The following LRRC4B variants were observed in gnomAD, a reference collection of about 807,000 sequenced individuals.
LRRC4B encodes the protein leucine rich repeat containing 4B, also known as leucine-rich repeat-containing protein 4B.
Under a neutral mutation model 7.3 loss-of-function variants are expected in LRRC4B, and 1 was observed. The ratio of observed to expected loss-of-function variants is 0.14; its 90% CI spans 0.05 to 0.65. The LOEUF is 0.65. Ranked by LOEUF, LRRC4B falls within the 30% of genes least tolerant of loss-of-function variation. The pLI, the probability that LRRC4B is intolerant of heterozygous loss-of-function variation, is 0.84. For synonymous variants in LRRC4B, 500 were observed against 499.2 expected, an observed-to-expected ratio of 1.00 and a Z score of -0.02; for missense variants, 730 against 1,041.6, an observed-to-expected ratio of 0.70 and a Z score of 4.12.
intron 1 of LRRC4B, among the ~76,000 whole-genome samples, chr19:50,559,603 G>A (rs1412966028): frequency 1.3e-5 from 2 of 152,216 alleles, no homozygotes; most frequent in Admixed American, 6.5e-5. Flanking sequence ...TCAGGCAGTG[G>A]GGCGTGAGAG....
rs1027313047 is a variant in LRRC4B at position 50,563,685 on chromosome 19, G to A, written c.-36+4259C>T. 3.4e-4 allele frequency among the ~76,000 whole-genome samples: 51 copies of A among 152,226 alleles called. No individual in the cohort carries two copies. Among genetic ancestry groups the A allele is most frequent in the African/African-American group, 1.1e-3 (47 of 41,462 alleles). On this transcript the variant is annotated intron_variant, in intron 1 of 2. Transcript: ENST00000652263. The surrounding 1 kb of genome is among the most constrained non-coding windows in gnomAD (Gnocchi z 4.9). Reference sequence around the variant, plus strand: ...GATGCCACATGCTGGGGACAAGAGTGTGGGGTCTGTGGCCCACCCCAGCCA... The same window carrying A: ...GATGCCACATGCTGGGGACAAGAGTATGGGGTCTGTGGCCCACCCCAGCCA...
chr19:50,559,514 T>C (rs1208193947), intron 1 of LRRC4B, among the ~76,000 whole-genome samples: 2 of 152,242 alleles, frequency 1.3e-5, no homozygotes, highest in Non-Finnish European at 2.9e-5. Context: ...TTAACACCCC[T>C]GAACTGAATT....
Position 50,518,577 on chromosome 19 carries a change from A to G in LRRC4B, c.1136T>C (p.Met379Thr), listed in dbSNP as rs1980410457. The G allele has an allele frequency of 1.3e-6, 2 of 1,593,974 alleles. No homozygotes were observed. The highest frequency in any genetic ancestry group is 1.1e-5 in the South Asian group (1 of 88,300). The change falls in exon 3 of 3, where the codon ATG becomes ACG. Residue 379 changes from methionine (M) to threonine (T), a missense_variant. Met to Thr is a moderately conservative substitution (Grantham distance 81). This residue lies in a region of LRRC4B where 226 missense variants were observed against 448.0 expected (regional missense o/e 0.50). Coordinates refer to ENST00000652263, the MANE Select transcript of LRRC4B (RefSeq NM_001080457.2). Reference sequence around the variant, plus strand: ...CGTGCGGCATTTGAGCTCGGCAGCCATGCCCTCGGTGACGTTGAGGTCCGT... The same window carrying G: ...CGTGCGGCATTTGAGCTCGGCAGCCGTGCCCTCGGTGACGTTGAGGTCCGT... ...PPTDLNVTEG[M>T]AAELKCRTGT...
Position 50,518,980 on chromosome 19 carries a change from G to A in LRRC4B, c.733C>T (p.Arg245Cys), listed in dbSNP as rs774640697. Reference sequence around the variant, plus strand: ...GTGAGACCCTGGAAGGAGCCCGGGCGGATCAGGTCCAGCCGGTTGCCCGAC... The same window carrying A: ...GTGAGACCCTGGAAGGAGCCCGGGCAGATCAGGTCCAGCCGGTTGCCCGAC... ...ELSGNRLDLIRPGSFQGLTSL... is the reference protein window; with the variant it reads ...ELSGNRLDLICPGSFQGLTSL... The change falls in exon 3 of 3, where the codon CGC becomes TGC. Residue 245 changes from arginine to cysteine, a missense_variant. Physicochemically the swap from Arg to Cys is radical, Grantham distance 180. This residue lies in a region of LRRC4B where 226 missense variants were observed against 448.0 expected (regional missense o/e 0.50). Coordinates refer to ENST00000652263, the MANE Select transcript of LRRC4B (RefSeq NM_001080457.2). The A allele has an allele frequency of 6.2e-7, 1 of 1,613,228 alleles. No homozygotes were observed. The highest frequency in any genetic ancestry group is 1.1e-5 in the South Asian group (1 of 91,048).
In LRRC4B at chr19:50,518,462, A is replaced by G. The variant is rs1601367370; in HGVS notation, c.1251T>C (p.His417=). ...GSYRVRISVL[H]DGTLNFTNVT... ...CGTTGGTGAAGTTAAGCGTGCCGTCATGCAGGACGGAGATGCGCACGCGGT... is the reference window on the plus strand; with the variant it reads ...CGTTGGTGAAGTTAAGCGTGCCGTCGTGCAGGACGGAGATGCGCACGCGGT... Residue 417 remains histidine (H), a synonymous_variant, in exon 3 of 3, where the codon CAT becomes CAC. Coordinates refer to ENST00000652263, the MANE Select transcript of LRRC4B (RefSeq NM_001080457.2). 1 of 1,553,600 alleles carries G rather than the reference A, an allele frequency of 6.4e-7. No homozygotes were observed. The highest frequency in any genetic ancestry group is 8.7e-7 in the Non-Finnish European group (1 of 1,149,788).
At chr19:50,544,228 C>T (rs1207677737) in intron 2 of LRRC4B, among the ~76,000 whole-genome samples, 10 of 148,304 alleles carry the variant, frequency 6.7e-5, no homozygotes, top group Admixed American at 1.3e-4. Flanking sequence ...AAAAATAGGC[C>T]GGGCGCAGTG....
Position 50,548,792 on chromosome 19 carries a change from C to T in LRRC4B, c.47G>A (p.Arg16Lys). 6.6e-7 allele frequency: 1 copy of T among 1,521,282 alleles called. No individual in the cohort carries two copies. The highest frequency in any genetic ancestry group is 8.8e-7 in the Non-Finnish European group (1 of 1,138,904). The allele number at this position is 1,521,282 out of a possible 1,614,324, so 94.2% of individuals were successfully genotyped here. ...GSPCPPLPPGRMSWPHGALLF... is the reference protein window; with the variant it reads ...GSPCPPLPPGKMSWPHGALLF... ...CAATGCCCCGTGGGGCCAGGACATC[C>T]TACCGGGCGGCAGCGGGGGGCACGG... Residue 16 changes from arginine to lysine, a missense_variant, in exon 2 of 3, where the codon AGG becomes AAG. Physicochemically the swap from Arg to Lys is conservative, Grantham distance 26 (BLOSUM62 2). This residue lies in a region of LRRC4B where 143 missense variants were observed against 158.4 expected (regional missense o/e 0.90). Transcript: ENST00000652263. This position sits in a 1 kb window ranked among gnomAD's most constrained non-coding sequence, Gnocchi z 6.8.
chr19:50,519,490 G>A lies in LRRC4B; in HGVS notation c.298-75C>T, dbSNP rs1260564116. ...TGGGGGGATCACCAAGGTCCCGGGCGCAGGTGGGGCCGTGTGGCTGGATCT... is the reference window on the plus strand; with the variant it reads ...TGGGGGGATCACCAAGGTCCCGGGCACAGGTGGGGCCGTGTGGCTGGATCT... On this transcript the variant is annotated intron_variant, in intron 2 of 2. Transcript: ENST00000652263. This position sits in a 1 kb window ranked among gnomAD's most constrained non-coding sequence, Gnocchi z 8.1. 30 of 1,459,082 alleles carry A rather than the reference G, an allele frequency of 2.1e-5. No individual in the cohort carries two copies. In the East Asian group the frequency reaches 5.2e-4, roughly 25 times the overall value. 90.4% of individuals were successfully genotyped at this position (1,459,082 alleles called of 1,614,324 possible).
At chr19:50,532,026 C>T (rs1275543872) in intron 2 of LRRC4B, among the ~76,000 whole-genome samples, 1 of 152,124 alleles carries the variant, frequency 6.6e-6, no homozygotes, top group African/African-American at 2.4e-5. Context: ...AGTTCGAGAC[C>T]AGCCTGTCCA....
intron 1 of LRRC4B, among the ~76,000 whole-genome samples, chr19:50,552,683 T>TCCATCCATCCATCCACCCAC (rs377729910): frequency 4.1e-5 from 5 of 121,354 alleles, no homozygotes; most frequent in Non-Finnish European, 3.4e-5. Flanking sequence ...CATCCATCCA[T>TCCATCCATCCATCCACCCAC]CCATCCGTCC....
At chr19:50,522,479 T>C (rs1980625705) in intron 2 of LRRC4B, among the ~76,000 whole-genome samples, 1 of 151,520 alleles carries the variant, frequency 6.6e-6, no homozygotes, top group East Asian at 1.9e-4. Context: ...TATTTATTTA[T>C]TTATTTATTT....
chr19:50,565,301 G>A (rs896645244), intron 1 of LRRC4B, among the ~76,000 whole-genome samples: 9 of 152,210 alleles, frequency 5.9e-5, no homozygotes, highest in South Asian at 2.1e-4. Flanking sequence ...GTGAGGCCAC[G>A]AGGCCACAGG....
At chr19:50,520,256 G>A (rs929112137) in intron 2 of LRRC4B, among the ~76,000 whole-genome samples, 1,678 of 41,832 alleles carry the variant, frequency 0.04, 36 homozygotes, top group Middle Eastern at 0.1. Flanking sequence ...AAGAAGAAAA[G>A]AAAAGAAAAA....
chr19:50,521,980 A>G (rs900640034), intron 2 of LRRC4B, among the ~76,000 whole-genome samples: 1 of 152,122 alleles, frequency 6.6e-6, no homozygotes, highest in Non-Finnish European at 1.5e-5. Flanking sequence ...ATTGAAGACA[A>G]TCCTGGTCAA....
chr19:50,549,345 C>A (rs1285516556), intron 1 of LRRC4B, among the ~76,000 whole-genome samples: 2 of 152,220 alleles, frequency 1.3e-5, no homozygotes, highest in Non-Finnish European at 2.9e-5. Context: ...CAACACCCGC[C>A]CGGTCCCCTT....
intron 2 of LRRC4B, among the ~76,000 whole-genome samples, chr19:50,542,147 G>A (rs1599774046): frequency 6.6e-6 from 1 of 152,220 alleles, no homozygotes; most frequent in South Asian, 2.1e-4. Context: ...TTTCTGTGGG[G>A]AGAGGGTAAG....
chr19:50,530,256 CCGGGGCTCCCCAGTGCCCT>C (rs1443236567), intron 2 of LRRC4B, among the ~76,000 whole-genome samples: 1 of 152,194 alleles, frequency 6.6e-6, no homozygotes, highest in Non-Finnish European at 1.5e-5. Context: ...CTAGACGCCT[CCGGGGCTCCCCAGTGCCCT>C]CGGGAAGTTC....
chr19:50,525,942 A>G (rs1980791559), intron 2 of LRRC4B, among the ~76,000 whole-genome samples: 1 of 151,716 alleles, frequency 6.6e-6, no homozygotes, highest in East Asian at 1.9e-4. Context: ...AATCGTTTGA[A>G]CCCAGGAGGC....
chr19:50,535,163 C>G (rs919950573), intron 2 of LRRC4B, among the ~76,000 whole-genome samples: 1 of 151,562 alleles, frequency 6.6e-6, no homozygotes, highest in Non-Finnish European at 1.5e-5. Flanking sequence ...CCACCACGCC[C>G]GGCCTGTTTA....
Sources: gnomAD v4.1 joint callset for allele counts (sites outside exome capture counted in the v4.1 genomes callset) on GRCh38, gnomAD v4.1.1 for gene constraint, gnomAD v4.1.1 regional missense constraint, Gnocchi (gnomAD v3.1) non-coding constraint, MANE v1.5 for transcripts, NCBI Gene and HGNC (gene_info 2026-07-23, HGNC 2026-07-21) for gene names.